Variants in CDH18 observed in about 807,000 individuals in gnomAD.
CDH18 encodes cadherin 18, also known as cadherin-18.
A neutral mutation model predicts 67.9 loss-of-function variants in CDH18; 31 were observed. The ratio of observed to expected loss-of-function variants is 0.46; its 90% confidence interval spans 0.34 to 0.62. The LOEUF is 0.62. Ranked by LOEUF, CDH18 falls within the 20% of genes least tolerant of loss-of-function variation. The pLI, the probability that CDH18 is intolerant of heterozygous loss-of-function variation, is 0.01. For synonymous variants in CDH18, 362 were observed against 347.2 expected (o/e 1.04, Z -0.48); for missense variants, 890 against 975.5 (o/e 0.91, Z 1.17).
intron 2 of CDH18, among the ~76,000 whole-genome samples, chr5:19,924,275 T>C (rs1374415397): frequency 6.6e-6 from 1 of 152,186 alleles, no homozygotes; most frequent in Non-Finnish European, 1.5e-5. Context: ...CCTCTCCTCC[T>C]CAGTGCCACT....
At chr5:19,929,928 A>AC (rs1239435314) in intron 2 of CDH18, among the ~76,000 whole-genome samples, 1 of 152,092 alleles carries the variant, frequency 6.6e-6, no homozygotes, top group Non-Finnish European at 1.5e-5. Context: ...AGCAGGAAAA[A>AC]CGTTGGTTTA....
Position 19,964,046 on chromosome 5 carries a change from A to G in CDH18, c.-257+17014T>C, listed in dbSNP as rs1028169833. Among the ~76,000 whole-genome samples, 17 of 152,174 alleles carry G rather than the reference A, an allele frequency of 1.1e-4. 1 individual carries two copies. The highest frequency in any genetic ancestry group is 9.2e-4 in the Admixed American group (14 of 15,294). ...CATGTGGGGATTACATGGGAATTAC[A>G]ATTTAAGATGGGATTTGAGTGAGGA... On this transcript the variant is annotated intron_variant, in intron 2 of 12. Coordinates refer to ENST00000382275, the MANE Select transcript of CDH18 (RefSeq NM_004934.5).
rs1053323295 is a variant in CDH18 at position 19,979,458 on chromosome 5, C to T, written c.-257+1602G>A. On this transcript the variant is annotated intron_variant, in intron 2 of 12. Coordinates refer to ENST00000382275, the MANE Select transcript of CDH18 (RefSeq NM_004934.5). ...CACTTAAAAGTCTGGGCATAAATCA[C>T]TAGGAAATGGCAAGGTAAAAACATA... Among the ~76,000 whole-genome samples the T allele has an allele frequency of 4.6e-5, 7 of 152,010 alleles. No individual in the cohort carries two copies. The East Asian group carries it at 1.3e-3, about 29-fold the overall frequency.
chr5:20,249,531 C>T (rs1743656273), intron 2 of CDH18, among the ~76,000 whole-genome samples: 1 of 151,858 alleles, frequency 6.6e-6, no homozygotes, highest in Non-Finnish European at 1.5e-5. Context: ...TACACATGCC[C>T]GCCACTGCGC....
intron 1 of CDH18, among the ~76,000 whole-genome samples, chr5:20,388,403 C>A (rs1046932684): frequency 6.7e-6 from 1 of 150,164 alleles, no homozygotes; most frequent in Non-Finnish European, 1.5e-5. Flanking sequence ...TCTATGGGAT[C>A]GGTGGTGATA....
chr5:19,899,640 A>G (rs541394519), intron 2 of CDH18, among the ~76,000 whole-genome samples: 1 of 152,290 alleles, frequency 6.6e-6, no homozygotes, highest in Admixed American at 6.5e-5. Flanking sequence ...AAAGAGTAAT[A>G]GCACTCCTAT....
chr5:20,008,684 G>C (rs1737139123), intron 2 of CDH18, among the ~76,000 whole-genome samples: 1 of 152,080 alleles, frequency 6.6e-6, no homozygotes, highest in Non-Finnish European at 1.5e-5. Context: ...ATAAGTGAAG[G>C]GATAGTGCAG....
At chr5:19,959,263 G>C (rs1796565592) in intron 2 of CDH18, among the ~76,000 whole-genome samples, 1 of 151,958 alleles carries the variant, frequency 6.6e-6, no homozygotes, top group Non-Finnish European at 1.5e-5. Context: ...AACTGTAGGT[G>C]AGTGTGTGTA....
At chr5:20,213,402 G>A (rs1426736023) in intron 2 of CDH18, among the ~76,000 whole-genome samples, 1 of 152,096 alleles carries the variant, frequency 6.6e-6, no homozygotes, top group Non-Finnish European at 1.5e-5. Flanking sequence ...CACAGAAGGA[G>A]TTAGGGAGAA....
chr5:19,586,561 G>A (rs1470457171), intron 7 of CDH18, among the ~76,000 whole-genome samples: 2 of 152,152 alleles, frequency 1.3e-5, no homozygotes, highest in African/African-American at 2.4e-5. Context: ...TTGCTGCATA[G>A]TATTGCGTGG....
chr5:20,528,965 G>GA (rs35852378), intron 1 of CDH18, among the ~76,000 whole-genome samples: 60,211 of 151,006 alleles, frequency 0.4, 13,463 homozygotes, highest in East Asian at 0.56. Context: ...CTGGTTTTGT[G>GA]AAAAAAAATC....
chr5:19,672,546 C>T (rs1369473294), intron 5 of CDH18, among the ~76,000 whole-genome samples: 1 of 151,948 alleles, frequency 6.6e-6, no homozygotes, highest in East Asian at 1.9e-4. Context: ...CTATGTAATT[C>T]CTGTAAATAT....
intron 1 of CDH18, among the ~76,000 whole-genome samples, chr5:20,516,042 T>G (rs944214805): frequency 6.6e-6 from 1 of 152,048 alleles, no homozygotes; most frequent in Non-Finnish European, 1.5e-5. Flanking sequence ...TCAATAGAAC[T>G]CAAAATTATT....
upstream of CDH18, among the ~76,000 whole-genome samples, chr5:19,990,131 T>A (rs531162002): frequency 7.2e-5 from 11 of 152,316 alleles, no homozygotes; most frequent in African/African-American, 2.4e-4. Context: ...TCTTTCTATG[T>A]TGATGAAGCC....
In CDH18 at chr5:19,967,044, A is replaced by T. The variant is rs929170360; in HGVS notation, c.-257+14016T>A. 1.6e-4 allele frequency among the ~76,000 whole-genome samples: 25 copies of T among 152,092 alleles called. No homozygotes were observed. In the East Asian group the frequency reaches 4.6e-3, roughly 28 times the overall value. ...GTCTAGGTGACATAAAAAAGAAAAT[A>T]ATAATGTCATATTTATTCTGAAGCA... On this transcript the variant is annotated intron_variant, in intron 2 of 12. Coordinates refer to ENST00000382275, the MANE Select transcript of CDH18 (RefSeq NM_004934.5).
intron 1 of CDH18, among the ~76,000 whole-genome samples, chr5:20,317,235 A>G (rs1737554789): frequency 6.6e-6 from 1 of 152,054 alleles, no homozygotes; most frequent in South Asian, 2.1e-4. Flanking sequence ...GAGCAGAACA[A>G]ATTCTAGGTA....
In CDH18 at chr5:19,666,271, T is replaced by C. The variant is rs181007496; in HGVS notation, c.644-53670A>G. Among the ~76,000 whole-genome samples, 1,022 of 146,874 alleles carry C rather than the reference T, an allele frequency of 7.0e-3. 2 individuals carry two copies. Among genetic ancestry groups the C allele is most frequent in the Non-Finnish European group, 0.011 (721 of 66,884 alleles). ...ATTATTATTATTATTATTATTATTA[T>C]TATTATTATTATTTTCTCTAGAGAC... On this transcript the variant is annotated intron_variant, in intron 5 of 12. Coordinates refer to ENST00000382275, the MANE Select transcript of CDH18 (RefSeq NM_004934.5).
At chr5:19,753,415 C>A (rs1013739514) in intron 3 of CDH18, among the ~76,000 whole-genome samples, 3 of 152,104 alleles carry the variant, frequency 2.0e-5, no homozygotes. Context: ...CAATAAAATT[C>A]AACAAGTAGA....
chr5:19,598,432 T>C (rs1746514929), intron 6 of CDH18, among the ~76,000 whole-genome samples: 1 of 152,052 alleles, frequency 6.6e-6, no homozygotes, highest in African/African-American at 2.4e-5. Context: ...AAAAGGAAAT[T>C]GAAACTATTT....
Sources: gnomAD v4.1 joint callset for allele counts (sites outside exome capture counted in the v4.1 genomes callset) on GRCh38, gnomAD v4.1.1 for gene constraint, MANE v1.5 for transcripts, NCBI Gene and HGNC (gene_info 2026-07-23, HGNC 2026-07-21) for gene names.